Variants in AFMID observed in about 807,000 individuals in gnomAD.
The protein encoded by AFMID is arylformamidase.
A neutral mutation model predicts 47.5 loss-of-function variants in AFMID; 39 were observed. That is an observed-to-expected ratio of 0.82 (90% CI 0.64 to 1.07). AFMID has a LOEUF of 1.07. Ranked by LOEUF, AFMID falls within the 50% of genes least tolerant of loss-of-function variation. The probability of loss-of-function intolerance (pLI) is 0.00; values close to 1 mark genes in which losing one functional copy is unlikely to be tolerated. For synonymous variants in AFMID, 130 were observed against 153.2 expected (o/e 0.85, Z 1.12); for missense variants, 375 against 387.5 (o/e 0.97, Z 0.27).
rs778937891 is a variant in AFMID at position 78,205,208 on chromosome 17, A to G, written c.565+18A>G. 1.2e-6 allele frequency: 2 copies of G among 1,603,128 alleles called. No homozygotes were observed. Among genetic ancestry groups the G allele is most frequent in the Non-Finnish European group, 1.7e-6 (2 of 1,174,262 alleles). On this transcript the variant is annotated intron_variant, in intron 7 of 10. Coordinates refer to ENST00000409257, the MANE Select transcript of AFMID (RefSeq NM_001010982.5). ...CCTCAGAGGTTTCCATGGGAGCTAC[A>G]GCCTGGCTGGGCAACCTTCATCTCC...
chr17:78,191,566 G>T (rs1326198766), intron 2 of AFMID, among the ~76,000 whole-genome samples: 2 of 152,008 alleles, frequency 1.3e-5, no homozygotes, highest in African/African-American at 2.4e-5. Context: ...CCAGCTACTC[G>T]GGAACCTGAG....
At chr17:78,202,428 CA>C (rs959325592) in intron 2 of AFMID, 70 bp from the exon 3 acceptor site, 46 of 1,490,662 alleles carry the variant, frequency 3.1e-5, no homozygotes, top group Admixed American at 5.3e-5. Flanking sequence ...GACTTCGTCT[CA>C]AAAAAAAGAA....
At chr17:78,197,442 C>A in intron 2 of AFMID, 1 of 461,844 alleles carries the variant, frequency 2.2e-6, no homozygotes, top group Non-Finnish European at 3.8e-6. Context: ...TGGCTTTCAG[C>A]AAAGGATTGG....
intron 10 of AFMID, among the ~76,000 whole-genome samples, chr17:78,206,642 TCTTCTTCCTC>T (rs535288968): frequency 1.3e-4 from 18 of 142,516 alleles, no homozygotes; most frequent in African/African-American, 4.7e-4. Flanking sequence ...TCTTCCTTCT[TCTTCTTCCTC>T]CTTCCTCCTT....
chr17:78,197,735 C>A (rs1010142601), intron 2 of AFMID, among the ~76,000 whole-genome samples: 1 of 151,936 alleles, frequency 6.6e-6, no homozygotes, highest in Non-Finnish European at 1.5e-5. Flanking sequence ...GGTATCCAAC[C>A]AGAGTGGTCT....
intron 3 of AFMID, 21 bp from the exon 4 acceptor site, chr17:78,202,682 G>T: frequency 1.9e-6 from 3 of 1,564,684 alleles, no homozygotes; most frequent in African/African-American, 1.4e-5. Context: ...TTGCTCACAC[G>T]CCCTGTGCTT....
Position 78,202,112 on chromosome 17 carries a change from A to G in AFMID, c.155-387A>G, listed in dbSNP as rs529319245. ...GGGAGCTTTCAGCTGGAATGTTTCT[A>G]CCTGAGCTGAAATAGAAATTGCCGC... On this transcript the variant is annotated intron_variant, in intron 2 of 10. Transcript: ENST00000409257. Among the ~76,000 whole-genome samples, 83 of 151,588 alleles carry G rather than the reference A, an allele frequency of 5.5e-4. 3 individuals carry two copies. The highest frequency in any genetic ancestry group is 4.1e-3 in the Admixed American group (63 of 15,232).
chr17:78,194,429 G>A (rs542846990), intron 2 of AFMID, among the ~76,000 whole-genome samples: 1 of 152,010 alleles, frequency 6.6e-6, no homozygotes, highest in Admixed American at 6.6e-5. Context: ...TTTGCACCAG[G>A]GAGAATTATA....
Position 78,206,053 on chromosome 17 carries a change from GGGGCCTCATCCCTGGC to G in AFMID, c.885+4_885+19del. 6.2e-7 allele frequency: 1 copy of G among 1,613,590 alleles called. No individual in the cohort carries two copies. The highest frequency in any genetic ancestry group is 8.5e-7 in the Non-Finnish European group (1 of 1,179,578). ...AGAAGGACAACGTGCTCACCCAGGT[GGGGCCTCATCCCTGGC>G]AGCCCTTTCATGGTAGACAGCACAG... On this transcript the variant is annotated splice_donor_5th_base_variant and intron_variant, in intron 10 of 10. Transcript: ENST00000409257.
intron 2 of AFMID, among the ~76,000 whole-genome samples, chr17:78,196,001 A>G (rs1232072078): frequency 1.3e-5 from 2 of 152,120 alleles, no homozygotes; most frequent in South Asian, 2.1e-4. Context: ...GCCCACCACC[A>G]TGCCCAGCTA....
At chr17:78,190,818 C>A in intron 1 of AFMID, 152 bp from the exon 2 acceptor site, 1 of 660,748 alleles carries the variant, frequency 1.5e-6, no homozygotes, top group Non-Finnish European at 2.6e-6. Flanking sequence ...TGGTATACCT[C>A]TAGACCATGG....
Position 78,205,079 on chromosome 17 carries a change from C to G in AFMID, c.468-14C>G. 4 of 1,603,672 alleles carry G rather than the reference C, an allele frequency of 2.5e-6. No homozygotes were observed. The highest frequency in any genetic ancestry group is 3.4e-6 in the Non-Finnish European group (4 of 1,174,526). On this transcript the variant is annotated splice_polypyrimidine_tract_variant and intron_variant, in intron 6 of 10. Transcript: ENST00000409257. ...CTGCGTGCAAATCCAGCTCTCTGCT[C>G]TGACCCCTCCCAGGGGAATTTACCT...
chr17:78,191,401 G>T (rs929836792), intron 2 of AFMID, among the ~76,000 whole-genome samples: 11 of 152,164 alleles, frequency 7.2e-5, no homozygotes, highest in African/African-American at 2.7e-4. Flanking sequence ...ATCCGCTGCT[G>T]AATGTGGAAT....
chr17:78,194,772 G>C (rs1048014620), intron 2 of AFMID, among the ~76,000 whole-genome samples: 11 of 151,890 alleles, frequency 7.2e-5, no homozygotes, highest in Admixed American at 6.6e-4. Flanking sequence ...TCGGCTCACC[G>C]CAACCTCCGC....
In AFMID at chr17:78,204,699, G is replaced by A; in HGVS notation, c.352G>A (p.Gly118Arg). ...CATGGTCCACCCGCTGACGGCACAGGGAGTGGCCGTGGTAATAGTGGCTTA... is the reference window on the plus strand; with the variant it reads ...CATGGTCCACCCGCTGACGGCACAGAGAGTGGCCGTGGTAATAGTGGCTTA... The part of the protein sequence containing the change: ...AFMVHPLTAQ[G>R]VAVVIVAYGI... Residue 118 changes from glycine (G) to arginine (R), a missense_variant, in exon 5 of 11, where the codon GGA becomes AGA. Coordinates refer to ENST00000409257, the MANE Select transcript of AFMID (RefSeq NM_001010982.5). The A allele has an allele frequency of 6.2e-7, 1 of 1,614,158 alleles. No homozygotes were observed. The highest frequency in any genetic ancestry group is 2.2e-5 in the East Asian group (1 of 44,886).
intron 1 of AFMID, among the ~76,000 whole-genome samples, chr17:78,188,092 A>C (rs1255812039): frequency 6.6e-6 from 1 of 151,870 alleles, no homozygotes; most frequent in African/African-American, 2.4e-5. Flanking sequence ...TGAAGGATTC[A>C]GAACAGCTGG....
intron 1 of AFMID, among the ~76,000 whole-genome samples, chr17:78,188,201 G>C (rs1007225032): frequency 6.6e-6 from 1 of 151,952 alleles, no homozygotes; most frequent in African/African-American, 2.4e-5. Flanking sequence ...GTATAATCAT[G>C]ATCATAAATA....
chr17:78,202,347 T>G, intron 2 of AFMID, 152 bp from the exon 3 acceptor site: 1 of 642,926 alleles, frequency 1.6e-6, no homozygotes, highest in Non-Finnish European at 2.6e-6. Context: ...GAGAATCGCT[T>G]GAACCGGGGA....
At chr17:78,192,506 G>T (rs1284148433) in intron 2 of AFMID, 2 of 391,344 alleles carry the variant, frequency 5.1e-6, no homozygotes, top group Non-Finnish European at 1.0e-5. Context: ...TAGAGATGGG[G>T]TTTCTCCATG....
Sources: gnomAD v4.1 joint callset for allele counts (sites outside exome capture counted in the v4.1 genomes callset) on GRCh38, gnomAD v4.1.1 for gene constraint, MANE v1.5 for transcripts, NCBI Gene and HGNC (gene_info 2026-07-23, HGNC 2026-07-21) for gene names.